SLCO1B3: variants seen among roughly 807,000 people sequenced by gnomAD.
The protein encoded by SLCO1B3 is liver-specific organic anion transporter 2.
SLCO1B3 carries 72 observed loss-of-function variants against 71.8 expected under a neutral mutation model. The ratio of observed to expected loss-of-function variants is 1.00; its 90% confidence interval spans 0.83 to 1.22. SLCO1B3 has a LOEUF of 1.22. Among genes scored for constraint, SLCO1B3 ranks in the 50% most tolerant of loss-of-function variants. The probability of loss-of-function intolerance (pLI) is 0.00; values close to 1 mark genes in which losing one functional copy is unlikely to be tolerated. For missense variants in SLCO1B3, 911 were observed against 819.7 expected (o/e 1.11, Z -1.36); for synonymous variants, 298 against 278.4 (o/e 1.07, Z -0.70).
At chr12:20,861,213 C>A in intron 6 of SLCO1B3, 75 bp downstream of exon 6, 2 of 1,318,044 alleles carry the variant, frequency 1.5e-6, no homozygotes, top group South Asian at 1.5e-5. Context: ...TTCTGATATT[C>A]TTTAACAAAA....
chr12:20,891,183 C>A (rs1177088937), intron 13 of SLCO1B3, among the ~76,000 whole-genome samples: 1 of 152,060 alleles, frequency 6.6e-6, no homozygotes, highest in Non-Finnish European at 1.5e-5. Context: ...TGTTAGAACT[C>A]CTTCAAGCCT....
intron 3 of SLCO1B3, among the ~76,000 whole-genome samples, chr12:20,833,790 T>C (rs10770747): frequency 6.8e-6 from 1 of 147,096 alleles, no homozygotes; most frequent in African/African-American, 2.5e-5. Context: ...ATCTCTCTAT[T>C]TCATAAAGTG....
intron 3 of SLCO1B3, among the ~76,000 whole-genome samples, chr12:20,826,300 G>C (rs867022849): frequency 5.9e-5 from 9 of 152,048 alleles, no homozygotes; most frequent in Admixed American, 2.0e-4. Context: ...TATTGACAAA[G>C]TTGAAGGAGA....
chr12:20,878,882 T>A (rs1439557040), intron 10 of SLCO1B3, among the ~76,000 whole-genome samples: 2 of 129,892 alleles, frequency 1.5e-5, no homozygotes, highest in African/African-American at 5.1e-5. Context: ...TAAAGAGATA[T>A]TAATTCAAGA....
Position 20,862,399 on chromosome 12 carries a change from C to A in SLCO1B3, c.482-13C>A. Reference sequence around the variant, plus strand: ...ATTAATGTTTAAAGTAAAACACTCTCTTGTCTCGATAGATTGTGTAAAGGA... The same window carrying A: ...ATTAATGTTTAAAGTAAAACACTCTATTGTCTCGATAGATTGTGTAAAGGA... On this transcript the variant is annotated splice_polypyrimidine_tract_variant and intron_variant, in intron 6 of 15. Transcript: ENST00000381545. The A allele has an allele frequency of 6.3e-7, 1 of 1,598,192 alleles. No homozygotes were observed. The highest frequency in any genetic ancestry group is 8.5e-7 in the Non-Finnish European group (1 of 1,174,738).
At chr12:20,879,374 A>T in intron 10 of SLCO1B3, 62 bp from the exon 11 acceptor site, 2 of 1,206,772 alleles carry the variant, frequency 1.7e-6, no homozygotes, top group South Asian at 2.7e-5. Flanking sequence ...TTTATATATA[A>T]AGACATATCA....
intron 9 of SLCO1B3, among the ~76,000 whole-genome samples, chr12:20,876,555 G>A (rs74067358): frequency 0.02 from 3,112 of 152,094 alleles, 112 homozygotes; most frequent in African/African-American, 0.071. Flanking sequence ...ATGGATGCTG[G>A]AGCCTTGTGT....
chr12:20,900,636 C>A (rs897894262), intron 14 of SLCO1B3, among the ~76,000 whole-genome samples: 6 of 152,152 alleles, frequency 3.9e-5, no homozygotes, highest in Non-Finnish European at 7.4e-5. Flanking sequence ...CTAACAGAAA[C>A]AAAATTTAGC....
chr12:20,812,304 G>A (rs2121058387), intron 1 of SLCO1B3, among the ~76,000 whole-genome samples: 1 of 152,240 alleles, frequency 6.6e-6, no homozygotes, highest in African/African-American at 2.4e-5. Flanking sequence ...AAAAGAGAGA[G>A]GTGTGGAATA....
intron 3 of SLCO1B3, among the ~76,000 whole-genome samples, chr12:20,852,954 G>A (rs977900007): frequency 6.6e-6 from 1 of 151,934 alleles, no homozygotes; most frequent in Non-Finnish European, 1.5e-5. Context: ...CCAGCAGTAG[G>A]TTGAATTAAT....
intron 15 of SLCO1B3, among the ~76,000 whole-genome samples, chr12:20,915,686 A>G (rs1434458484): frequency 6.6e-6 from 1 of 152,156 alleles, no homozygotes. Flanking sequence ...GTGAACTTCA[A>G]ACTTGCTTCT....
At chr12:20,836,862 C>T (rs1191165689) in intron 3 of SLCO1B3, among the ~76,000 whole-genome samples, 1 of 152,086 alleles carries the variant, frequency 6.6e-6, no homozygotes, top group Admixed American at 6.6e-5. Flanking sequence ...AGGATGGTCT[C>T]GATCTCCTGA....
chr12:20,868,121 T>C (rs1865407736), intron 8 of SLCO1B3, among the ~76,000 whole-genome samples: 2 of 152,218 alleles, frequency 1.3e-5, no homozygotes, highest in Non-Finnish European at 2.9e-5. Context: ...ACATACAGCA[T>C]GCAAAATATA....
chr12:20,848,812 G>T (rs937418092), intron 3 of SLCO1B3, among the ~76,000 whole-genome samples: 3 of 152,116 alleles, frequency 2.0e-5, no homozygotes, highest in Admixed American at 2.0e-4. Context: ...GTGTTCAGTA[G>T]TTGCCAAGTG....
intron 13 of SLCO1B3, among the ~76,000 whole-genome samples, chr12:20,893,825 C>T (rs1443325503): frequency 6.6e-6 from 1 of 152,102 alleles, no homozygotes; most frequent in African/African-American, 2.4e-5. Flanking sequence ...TCTTGACATT[C>T]TGCTGGTGAC....
At chr12:20,858,624 A>G (rs1299820177) in intron 5 of SLCO1B3, 53 bp downstream of exon 5, 25 of 1,517,290 alleles carry the variant, frequency 1.6e-5, no homozygotes, top group East Asian at 2.3e-5. Flanking sequence ...GTAAATTAGC[A>G]GTAGAATTTT....
chr12:20,845,807 C>A (rs1343009301), intron 3 of SLCO1B3, among the ~76,000 whole-genome samples: 1 of 152,112 alleles, frequency 6.6e-6, no homozygotes, highest in African/African-American at 2.4e-5. Context: ...CTAGTGCGGT[C>A]AGTGAAGTTT....
At chr12:20,845,275 GC>G (rs935853469) in intron 3 of SLCO1B3, 20 of 386,254 alleles carry the variant, frequency 5.2e-5, no homozygotes, top group African/African-American at 4.0e-4. Context: ...GGAAAGAGCA[GC>G]CCCAGTTAGT....
chr12:20,845,134 G>T (rs979109251), intron 3 of SLCO1B3: 28 of 451,616 alleles, frequency 6.2e-5, no homozygotes, highest in Admixed American at 6.2e-4. Flanking sequence ...GCAAGACTTA[G>T]ACTATGTCAT....
Sources: allele counts gnomAD v4.1 joint callset (sites outside exome capture counted in the v4.1 genomes callset), GRCh38; gene constraint gnomAD v4.1.1; transcripts MANE v1.5; gene names NCBI Gene and HGNC (gene_info 2026-07-23, HGNC 2026-07-21).